Variants in IMPG1 observed in about 807,000 individuals in gnomAD.
The protein encoded by IMPG1 is interphotoreceptor matrix proteoglycan 1, also known as interphotoreceptor matrix proteoglycan of 150 kDa.
Under a neutral mutation model 92.0 loss-of-function variants are expected in IMPG1, and 85 were observed. That is an observed-to-expected ratio of 0.92 (90% CI 0.78 to 1.11). The LOEUF (loss-of-function observed/expected upper bound fraction) is 1.11, where lower values mean the gene tolerates loss of function less well. IMPG1 is among the 50% of genes least tolerant of loss of function. The pLI is 0.00. For missense variants in IMPG1, 1,022 were observed against 956.0 expected, an observed-to-expected ratio of 1.07 and a Z score of -0.91; for synonymous variants, 367 against 334.1, an observed-to-expected ratio of 1.10 and a Z score of -1.08.
intron 12 of IMPG1, among the ~76,000 whole-genome samples, chr6:75,993,291 G>A (rs1782844022): frequency 6.6e-6 from 1 of 152,138 alleles, no homozygotes; most frequent in East Asian, 1.9e-4. Flanking sequence ...TTTGACAGCT[G>A]TCGTAACAGA....
At chr6:75,978,424 T>G (rs558577449) in intron 12 of IMPG1, among the ~76,000 whole-genome samples, 13 of 152,338 alleles carry the variant, frequency 8.5e-5, no homozygotes, top group African/African-American at 3.1e-4. Flanking sequence ...ATATGCTCTT[T>G]ATTTCATTTG....
At chr6:76,053,159 G>A (rs1273693126) in intron 1 of IMPG1, among the ~76,000 whole-genome samples, 3 of 152,250 alleles carry the variant, frequency 2.0e-5, no homozygotes, top group East Asian at 3.9e-4. Flanking sequence ...ATCTCCATAA[G>A]TTTCAGAATG....
chr6:76,053,474 A>G (rs943827843), intron 1 of IMPG1, among the ~76,000 whole-genome samples: 4 of 152,206 alleles, frequency 2.6e-5, no homozygotes, highest in Admixed American at 2.6e-4. Context: ...CAAAAAATTC[A>G]GGAGGAAGCT....
intron 13 of IMPG1, 148 bp from the exon 14 acceptor site, chr6:75,947,681 C>A: frequency 3.2e-6 from 2 of 621,696 alleles, no homozygotes; most frequent in South Asian, 2.0e-5. Context: ...TAATGTGAGA[C>A]CAGAATGCCA....
intron 1 of IMPG1, among the ~76,000 whole-genome samples, chr6:76,055,697 T>C (rs1015345050): frequency 2.0e-5 from 3 of 151,822 alleles, no homozygotes; most frequent in Non-Finnish European, 4.4e-5. Context: ...TTAACTAATA[T>C]CAGAATTGAG....
chr6:75,964,506 A>T (rs1782268854), intron 12 of IMPG1, among the ~76,000 whole-genome samples: 1 of 151,866 alleles, frequency 6.6e-6, no homozygotes, highest in South Asian at 2.1e-4. Flanking sequence ...ATGAAACCCC[A>T]TCTCTTCTAA....
intron 12 of IMPG1, among the ~76,000 whole-genome samples, chr6:75,996,889 G>A (rs1487937716): frequency 6.6e-6 from 1 of 152,182 alleles, no homozygotes; most frequent in East Asian, 1.9e-4. Context: ...AATGAAGAGG[G>A]AGTGAAAGAC....
chr6:75,936,452 A>G (rs1781747420), intron 14 of IMPG1, among the ~76,000 whole-genome samples: 2 of 152,370 alleles, frequency 1.3e-5, no homozygotes, highest in East Asian at 1.9e-4. Flanking sequence ...AGAATATTCA[A>G]TGATAAATAG....
At chr6:75,955,392 A>G (rs1782099943) in intron 12 of IMPG1, among the ~76,000 whole-genome samples, 1 of 152,058 alleles carries the variant, frequency 6.6e-6, no homozygotes, top group Non-Finnish European at 1.5e-5. Context: ...ATGGGAGTTC[A>G]CTCATGCTTT....
intron 12 of IMPG1, among the ~76,000 whole-genome samples, chr6:75,981,642 A>G (rs1303032154): frequency 6.6e-6 from 1 of 152,226 alleles, no homozygotes; most frequent in Non-Finnish European, 1.5e-5. Context: ...ACAGTCATAG[A>G]AGACATTTGT....
chr6:75,929,555 G>C (rs1221890408), intron 15 of IMPG1, among the ~76,000 whole-genome samples: 4 of 128,730 alleles, frequency 3.1e-5, no homozygotes, highest in African/African-American at 1.2e-4. Flanking sequence ...GTTGTGGGGT[G>C]GGGGGAGGGG....
chr6:76,001,463 G>A (rs1194590019), intron 12 of IMPG1, among the ~76,000 whole-genome samples: 1 of 152,090 alleles, frequency 6.6e-6, no homozygotes, highest in Non-Finnish European at 1.5e-5. Context: ...GAATCTAGAT[G>A]GGCTCTGCAG....
intron 14 of IMPG1, among the ~76,000 whole-genome samples, chr6:75,941,820 C>T (rs1344992085): frequency 6.6e-6 from 1 of 152,192 alleles, no homozygotes; most frequent in Non-Finnish European, 1.5e-5. Flanking sequence ...GTCATCCTAC[C>T]AATTCCCTTA....
chr6:75,940,858 T>C (rs2149453802), intron 14 of IMPG1, among the ~76,000 whole-genome samples: 1 of 152,312 alleles, frequency 6.6e-6, no homozygotes, highest in African/African-American at 2.4e-5. Flanking sequence ...TCCTCTTGCA[T>C]CTTCTGGAAT....
intron 14 of IMPG1, among the ~76,000 whole-genome samples, chr6:75,937,939 T>C (rs1485875292): frequency 6.6e-6 from 1 of 152,242 alleles, no homozygotes; most frequent in Non-Finnish European, 1.5e-5. Context: ...CTAACTGGCA[T>C]AAAAGCCCTA....
intron 13 of IMPG1, among the ~76,000 whole-genome samples, chr6:75,947,763 C>T (rs1016170806): frequency 1.3e-5 from 2 of 151,616 alleles, no homozygotes; most frequent in African/African-American, 4.9e-5. Flanking sequence ...AGATGGATGG[C>T]TGTGATTTTT....
intron 5 of IMPG1, among the ~76,000 whole-genome samples, chr6:76,023,744 T>C (rs1176153869): frequency 5.3e-5 from 8 of 152,096 alleles, no homozygotes. Context: ...TCCCTCAAAG[T>C]TTTTATTTAA....
At chr6:76,024,631 C>A (rs1010731660) in intron 5 of IMPG1, among the ~76,000 whole-genome samples, 7 of 150,514 alleles carry the variant, frequency 4.7e-5, no homozygotes, top group Admixed American at 3.3e-4. Context: ...TTATTAAAAG[C>A]CTTAAAATCC....
chr6:76,054,798 G>A (rs1784093687), intron 1 of IMPG1, among the ~76,000 whole-genome samples: 1 of 151,948 alleles, frequency 6.6e-6, no homozygotes. Flanking sequence ...GCCAGTTCCA[G>A]CAAACCAGTG....
Sources: gnomAD v4.1 joint callset for allele counts (sites outside exome capture counted in the v4.1 genomes callset) on GRCh38, gnomAD v4.1.1 for gene constraint, MANE v1.5 for transcripts, NCBI Gene and HGNC (gene_info 2026-07-23, HGNC 2026-07-21) for gene names.